AGMO: variants seen among roughly 807,000 people sequenced by gnomAD.
The protein encoded by AGMO is glyceryl-ether monooxygenase.
In AGMO, 75 loss-of-function variants were observed where a neutral mutation model predicts 60.2. The observed-to-expected ratio is 1.25, with a 90% CI of 1.03 to 1.51. The LOEUF is 1.51. Ranked by LOEUF, AGMO falls within the 40% of genes most tolerant of loss-of-function variation. The probability of loss-of-function intolerance (pLI) is 0.00; values close to 1 mark genes in which losing one functional copy is unlikely to be tolerated. For synonymous variants in AGMO, 261 were observed against 177.1 expected, an observed-to-expected ratio of 1.47 and a Z score of -3.76; for missense variants, 763 against 525.5, an observed-to-expected ratio of 1.45 and a Z score of -4.42.
chr7:15,126,853 C>A, the AGMO span, among the ~76,000 whole-genome samples: 1 of 152,044 alleles, frequency 6.6e-6, no homozygotes, highest in African/African-American at 2.4e-5. Context: ...AGCCAGGCAC[C>A]CTTTTAGGTC....
At chr7:15,301,503 GT>G (rs11399032) in intron 12 of AGMO, among the ~76,000 whole-genome samples, 10 of 150,880 alleles carry the variant, frequency 6.6e-5, no homozygotes, top group East Asian at 1.9e-4. Context: ...CTGTTTGCTT[GT>G]TTTTTTTTAA....
At chr7:15,365,017 T>C (rs567832802) in intron 12 of AGMO, among the ~76,000 whole-genome samples, 1 of 152,102 alleles carries the variant, frequency 6.6e-6, no homozygotes, top group East Asian at 1.9e-4. Context: ...AGATAAGAAT[T>C]AACCATCACA....
At chr7:15,509,391 A>G (rs1783613529) in intron 3 of AGMO, among the ~76,000 whole-genome samples, 1 of 151,934 alleles carries the variant, frequency 6.6e-6, no homozygotes. Context: ...AATAAAAATG[A>G]AACTGGACAA....
rs752599004 is a variant in AGMO at position 15,390,892 on chromosome 7, A to G, written c.690T>C (p.Tyr230=). 16 of 1,601,164 alleles carry G rather than the reference A, an allele frequency of 1.0e-5. No individual in the cohort carries two copies. The highest frequency in any genetic ancestry group is 1.4e-5 in the Non-Finnish European group (16 of 1,172,976). The part of the protein sequence containing the change: ...HHRVHHGRNR[Y]CIDKNYAGVL... ...CACCAGCATAATTTTTGTCTATGCAATAACGATTTCTGCCTATGAGACAAA... is the reference window on the plus strand; with the variant it reads ...CACCAGCATAATTTTTGTCTATGCAGTAACGATTTCTGCCTATGAGACAAA... Residue 230 remains tyrosine (Y), a synonymous_variant, in exon 7 of 13, where the codon TAT becomes TAC. Coordinates refer to ENST00000342526, the MANE Select transcript of AGMO (RefSeq NM_001004320.2).
chr7:15,143,960 C>A, the AGMO span, among the ~76,000 whole-genome samples: 1 of 152,126 alleles, frequency 6.6e-6, no homozygotes, highest in African/African-American at 2.4e-5. Context: ...GTAAATTATA[C>A]ATTTCAATAG....
rs558367676 is a variant in AGMO, at chr7:15,260,044, T to C, written c.1264-58685A>G. On this transcript the variant is annotated intron_variant, in intron 12 of 12. Coordinates refer to ENST00000342526, the MANE Select transcript of AGMO (RefSeq NM_001004320.2). Reference sequence around the variant, plus strand: ...CAATGAAAAAAAAACCCAAAGTATTTAGGCAACAAATAGCATGATGAATAG... The same window carrying C: ...CAATGAAAAAAAAACCCAAAGTATTCAGGCAACAAATAGCATGATGAATAG... Among the ~76,000 whole-genome samples, 6 of 151,006 alleles carry C rather than the reference T, an allele frequency of 4.0e-5. No individual in the cohort carries two copies. The East Asian group carries it at 1.2e-3, about 30-fold the overall frequency.
intron 3 of AGMO, among the ~76,000 whole-genome samples, chr7:15,456,047 A>G (rs1009264301): frequency 4.0e-5 from 6 of 151,860 alleles, no homozygotes; most frequent in South Asian, 2.1e-4. Flanking sequence ...TATGCTTCAG[A>G]CCTCTTGCAC....
intron 3 of AGMO, among the ~76,000 whole-genome samples, chr7:15,540,024 A>C (rs1482752948): frequency 6.6e-6 from 1 of 152,182 alleles, no homozygotes; most frequent in African/African-American, 2.4e-5. Context: ...AAGTTAATAT[A>C]AGGAATTATT....
At chr7:15,365,253 GT>G (rs1291327946) in intron 12 of AGMO, among the ~76,000 whole-genome samples, 1 of 151,516 alleles carries the variant, frequency 6.6e-6, no homozygotes, top group Non-Finnish European at 1.5e-5. Context: ...CTTTATAAAG[GT>G]TGTGTAATGT....
At chr7:15,167,628 CCTAT>C in the AGMO span, among the ~76,000 whole-genome samples, 2 of 152,132 alleles carry the variant, frequency 1.3e-5, no homozygotes, top group South Asian at 2.1e-4. Flanking sequence ...AAAGTTCGCA[CCTAT>C]CTAAGATTGC....
intron 3 of AGMO, among the ~76,000 whole-genome samples, chr7:15,460,353 C>T (rs1343764102): frequency 6.6e-6 from 1 of 151,946 alleles, no homozygotes; most frequent in East Asian, 1.9e-4. Context: ...ATTTATTTTT[C>T]TTAATGAAAC....
chr7:15,170,150 G>A, the AGMO span, among the ~76,000 whole-genome samples: 2 of 152,232 alleles, frequency 1.3e-5, no homozygotes, highest in South Asian at 2.1e-4. Context: ...GACCAGGGGT[G>A]AGCAAACCTG....
chr7:15,180,547 A>G, the AGMO span, among the ~76,000 whole-genome samples: 1 of 152,054 alleles, frequency 6.6e-6, no homozygotes, highest in Admixed American at 6.6e-5. Flanking sequence ...CATTTTGGCC[A>G]TGACCACTTA....
In AGMO at chr7:15,306,433, T is replaced by C. The variant is rs779958181; in HGVS notation, c.1263+59081A>G. 28 of 452,294 alleles carry C rather than the reference T, an allele frequency of 6.2e-5. 2 individuals carry two copies. In the Middle Eastern group the frequency reaches 1.0e-3, roughly 16 times the overall value. 28.0% of individuals were successfully genotyped at this position (452,294 alleles called of 1,614,324 possible). ...AAAAATAGTTTGGTAGAGAACTGGATAATAGGAAACATATTCTTCTGCAAT... is the reference window on the plus strand; with the variant it reads ...AAAAATAGTTTGGTAGAGAACTGGACAATAGGAAACATATTCTTCTGCAAT... On this transcript the variant is annotated intron_variant, in intron 12 of 12. Transcript: ENST00000342526.
chr7:15,221,987 T>C (rs1361335100), intron 12 of AGMO, among the ~76,000 whole-genome samples: 1 of 152,148 alleles, frequency 6.6e-6, no homozygotes, highest in Non-Finnish European at 1.5e-5. Context: ...ATATAGAGTG[T>C]TTACATAATT....
At chr7:15,512,231 G>A (rs2128530840) in intron 3 of AGMO, among the ~76,000 whole-genome samples, 1 of 152,122 alleles carries the variant, frequency 6.6e-6, no homozygotes, top group Middle Eastern at 3.4e-3. Context: ...CACTAATGAT[G>A]ATGTCTGATA....
chr7:15,407,521 G>C (rs1205759135), intron 5 of AGMO, among the ~76,000 whole-genome samples: 2 of 151,340 alleles, frequency 1.3e-5, no homozygotes, highest in Non-Finnish European at 3.0e-5. Context: ...GGTGATGAAA[G>C]GCATAATAAA....
At chr7:15,235,940 C>G (rs1283606059) in intron 12 of AGMO, among the ~76,000 whole-genome samples, 2 of 152,136 alleles carry the variant, frequency 1.3e-5, no homozygotes, top group Non-Finnish European at 2.9e-5. Flanking sequence ...GTGGCTTATT[C>G]TTCTCTGCCC....
chr7:15,345,555 A>T (rs1371955647), intron 12 of AGMO, among the ~76,000 whole-genome samples: 1 of 152,162 alleles, frequency 6.6e-6, no homozygotes, highest in Non-Finnish European at 1.5e-5. Context: ...TGTAATTACT[A>T]TTTTATTTGA....
Sources: allele counts gnomAD v4.1 joint callset (sites outside exome capture counted in the v4.1 genomes callset), GRCh38; gene constraint gnomAD v4.1.1; transcripts MANE v1.5; gene names NCBI Gene and HGNC (gene_info 2026-07-23, HGNC 2026-07-21).